The following SLC24A2 variants were observed in gnomAD, a reference collection of about 807,000 sequenced individuals.
SLC24A2 encodes sodium/potassium/calcium exchanger 2.
A neutral mutation model predicts 62.0 loss-of-function variants in SLC24A2; 36 were observed. The ratio of observed to expected loss-of-function variants is 0.58; its 90% CI spans 0.44 to 0.77. The LOEUF (loss-of-function observed/expected upper bound fraction) is 0.77. SLC24A2 is among the 30% of genes least tolerant of loss of function. SLC24A2 has a pLI of 0.00. For synonymous variants in SLC24A2, 358 were observed against 294.0 expected (o/e 1.22, Z -2.23); for missense variants, 846 against 817.9 (o/e 1.03, Z -0.42).
the SLC24A2 span, among the ~76,000 whole-genome samples, chr9:20,258,397 G>A: frequency 6.6e-6 from 1 of 152,334 alleles, no homozygotes; most frequent in Non-Finnish European, 1.5e-5. Flanking sequence ...GTTTTCAGAG[G>A]AGACTGGCAT....
At chr9:20,130,799 T>C in the SLC24A2 span, among the ~76,000 whole-genome samples, 2,008 of 152,216 alleles carry the variant, frequency 0.013, 43 homozygotes, top group African/African-American at 0.045. Context: ...AGATTGCAGA[T>C]GCAAGGCAAT....
chr9:19,736,722 T>C (rs1375748007), intron 2 of SLC24A2, among the ~76,000 whole-genome samples: 1 of 152,064 alleles, frequency 6.6e-6, no homozygotes, highest in Non-Finnish European at 1.5e-5. Flanking sequence ...TGTGGTCGTG[T>C]GCACCTGTAA....
chr9:20,093,244 G>C, the SLC24A2 span, among the ~76,000 whole-genome samples: 1 of 151,566 alleles, frequency 6.6e-6, no homozygotes, highest in African/African-American at 2.4e-5. Flanking sequence ...GGCTAATTTT[G>C]TATTTTTAGT....
intron 2 of SLC24A2, among the ~76,000 whole-genome samples, chr9:19,673,685 A>G (rs1464886536): frequency 2.0e-5 from 3 of 152,134 alleles, no homozygotes; most frequent in Non-Finnish European, 4.4e-5. Flanking sequence ...TCTGACCTCA[A>G]GTGATCCACC....
At chr9:20,144,819 A>G in the SLC24A2 span, among the ~76,000 whole-genome samples, 25 of 152,032 alleles carry the variant, frequency 1.6e-4, no homozygotes, top group Non-Finnish European at 2.9e-4. Flanking sequence ...CACTCTGTAA[A>G]TGCTCTTTGG....
intron 2 of SLC24A2, among the ~76,000 whole-genome samples, chr9:19,729,811 T>C (rs1409153841): frequency 6.6e-6 from 1 of 152,100 alleles, no homozygotes; most frequent in African/African-American, 2.4e-5. Context: ...ATCTCAACTA[T>C]AGAATGCCTA....
At chr9:19,694,059 A>T (rs1383224267) in intron 2 of SLC24A2, among the ~76,000 whole-genome samples, 5 of 151,660 alleles carry the variant, frequency 3.3e-5, no homozygotes, top group African/African-American at 1.2e-4. Flanking sequence ...CAACTAAAAC[A>T]GAGTTGCCAA....
chr9:20,186,970 C>T, the SLC24A2 span, among the ~76,000 whole-genome samples: 37 of 152,198 alleles, frequency 2.4e-4, no homozygotes, highest in East Asian at 4.6e-3. Context: ...TCCCTATGCA[C>T]ACTCTCCAAA....
intron 5 of SLC24A2, among the ~76,000 whole-genome samples, chr9:19,584,080 G>C (rs930303470): frequency 2.6e-5 from 4 of 151,972 alleles, no homozygotes; most frequent in African/African-American, 9.7e-5. Context: ...CCCCAGCAGA[G>C]AGCAGTCTTC....
chr9:20,202,828 G>A, the SLC24A2 span, among the ~76,000 whole-genome samples: 3,047 of 152,214 alleles, frequency 0.02, 54 homozygotes, highest in South Asian at 0.053. Flanking sequence ...GGGCTTAGTA[G>A]GTATTAACAT....
At chr9:19,986,379 C>G in the SLC24A2 span, among the ~76,000 whole-genome samples, 1 of 150,494 alleles carries the variant, frequency 6.6e-6, no homozygotes, top group African/African-American at 2.4e-5. Context: ...CTGGCCGTTC[C>G]TCAAAAAGTT....
chr9:20,050,684 G>A, the SLC24A2 span, among the ~76,000 whole-genome samples: 2 of 152,160 alleles, frequency 1.3e-5, no homozygotes, highest in African/African-American at 4.8e-5. Context: ...ACTCAATGAC[G>A]TGAATACATT....
intron 10 of SLC24A2, 117 bp from the exon 11 acceptor site, chr9:19,516,519 G>A: frequency 7.7e-7 from 1 of 1,290,488 alleles, no homozygotes; most frequent in South Asian, 1.4e-5. Context: ...ACTGAAAAGG[G>A]TGTCTTGTTA....
the SLC24A2 span, among the ~76,000 whole-genome samples, chr9:19,974,667 G>C: frequency 6.6e-6 from 1 of 152,116 alleles, no homozygotes; most frequent in Admixed American, 6.5e-5. Context: ...AAACCACTTG[G>C]AAACATTTGG....
chr9:19,775,305 C>A (rs1334267312), intron 2 of SLC24A2, among the ~76,000 whole-genome samples: 1 of 152,222 alleles, frequency 6.6e-6, no homozygotes, highest in Non-Finnish European at 1.5e-5. Context: ...AACCTCTCTG[C>A]TTCACCCACA....
the SLC24A2 span, among the ~76,000 whole-genome samples, chr9:20,215,937 C>T: frequency 0.12 from 18,175 of 152,178 alleles, 1,167 homozygotes; most frequent in Middle Eastern, 0.18. Context: ...ACTGTACAGC[C>T]ATTAATTCAA....
chr9:20,131,977 C>G, the SLC24A2 span, among the ~76,000 whole-genome samples: 1 of 152,050 alleles, frequency 6.6e-6, no homozygotes, highest in Admixed American at 6.6e-5. Flanking sequence ...AATTGTTGTG[C>G]TACATAACTG....
the SLC24A2 span, among the ~76,000 whole-genome samples, chr9:20,041,705 C>A: frequency 1.3e-5 from 2 of 152,216 alleles, no homozygotes; most frequent in African/African-American, 2.4e-5. Context: ...TCAATTCAGC[C>A]AAAGGAAAGA....
chr9:19,962,943 C>CA, the SLC24A2 span, among the ~76,000 whole-genome samples: 1 of 152,140 alleles, frequency 6.6e-6, no homozygotes, highest in African/African-American at 2.4e-5. Context: ...TGCCAGTTTT[C>CA]AAAGGGAATG....
Sources: gnomAD v4.1 joint callset for allele counts (sites outside exome capture counted in the v4.1 genomes callset) on GRCh38, gnomAD v4.1.1 for gene constraint, MANE v1.5 for transcripts, NCBI Gene and HGNC (gene_info 2026-07-23, HGNC 2026-07-21) for gene names.